The following RASSF8 variants were observed in gnomAD, a reference collection of about 807,000 sequenced individuals.
RASSF8 encodes ras association domain-containing protein 8.
A neutral mutation model predicts 48.5 loss-of-function variants in RASSF8; 22 were observed. The ratio of observed to expected loss-of-function variants is 0.45; its 90% CI spans 0.32 to 0.65. RASSF8 has a LOEUF of 0.65. RASSF8 is among the 30% of genes least tolerant of loss of function. The probability of loss-of-function intolerance (pLI) is 0.03; values close to 1 mark genes in which losing one functional copy is unlikely to be tolerated. For synonymous variants in RASSF8, 127 were observed against 171.5 expected (o/e 0.74, Z 2.03); for missense variants, 418 against 489.2 (o/e 0.85, Z 1.37).
chr12:25,966,894 T>C (rs895583357), intron 1 of RASSF8, among the ~76,000 whole-genome samples: 7 of 152,226 alleles, frequency 4.6e-5, no homozygotes, highest in Non-Finnish European at 1.0e-4. Context: ...TGTTTTCTTC[T>C]AGAAGTTTTA....
intron 2 of RASSF8, among the ~76,000 whole-genome samples, chr12:26,011,061 C>A (rs1942511796): frequency 6.6e-6 from 1 of 152,168 alleles, no homozygotes; most frequent in South Asian, 2.1e-4. Context: ...GATCTAAAAG[C>A]ATTCTCCTGA....
At chr12:25,991,839 G>A (rs191388426) in intron 1 of RASSF8, among the ~76,000 whole-genome samples, 33 of 152,268 alleles carry the variant, frequency 2.2e-4, no homozygotes, top group Middle Eastern at 3.4e-3. Flanking sequence ...GGGCCATTGT[G>A]GAGGCCAGCT....
chr12:26,071,160 TA>T lies in RASSF8; in HGVS notation c.*2344del. On this transcript the variant is annotated 3_prime_UTR_variant, in exon 6 of 6. Transcript: ENST00000689635. ...TATATTACTTCTGGAAGCACATATCTAAGGAATATTTTCTAAGACTCAGAGG... is the reference window on the plus strand; with the variant it reads ...TATATTACTTCTGGAAGCACATATCTAGGAATATTTTCTAAGACTCAGAGG... 1 of 973,780 alleles carries T rather than the reference TA, an allele frequency of 1.0e-6. No individual in the cohort carries two copies. Among genetic ancestry groups the T allele is most frequent in the Non-Finnish European group, 1.2e-6 (1 of 819,300 alleles). 60.3% of individuals were successfully genotyped at this position (973,780 alleles called of 1,614,324 possible).
At chr12:26,073,780 T>C (rs1006357752), downstream of RASSF8, among the ~76,000 whole-genome samples, 73 of 93,868 alleles carry the variant, frequency 7.8e-4, 3 homozygotes, top group African/African-American at 2.2e-3. Flanking sequence ...CACACACATA[T>C]ATATATACAC....
At chr12:26,042,616 T>G (rs1270792678) in intron 2 of RASSF8, among the ~76,000 whole-genome samples, 2 of 152,202 alleles carry the variant, frequency 1.3e-5, no homozygotes, top group African/African-American at 4.8e-5. Context: ...GTGCTGATTT[T>G]TTTTTCATTT....
At chr12:26,057,071 A>G (rs2137252142) in intron 3 of RASSF8, among the ~76,000 whole-genome samples, 1 of 150,254 alleles carries the variant, frequency 6.7e-6, no homozygotes, top group South Asian at 2.1e-4. Context: ...GAGTAGTGCT[A>G]TAAGCTGCAT....
At chr12:25,999,406 A>C (rs1179664815) in intron 2 of RASSF8, among the ~76,000 whole-genome samples, 1 of 152,186 alleles carries the variant, frequency 6.6e-6, no homozygotes, top group Non-Finnish European at 1.5e-5. Flanking sequence ...ATTTGACCTA[A>C]AATTATTAGA....
intron 3 of RASSF8, among the ~76,000 whole-genome samples, chr12:26,056,854 A>G (rs1448198282): frequency 1.3e-5 from 2 of 152,202 alleles, no homozygotes; most frequent in Non-Finnish European, 2.9e-5. Flanking sequence ...ATTTTTTCAT[A>G]TTCTTTCTAT....
At chr12:26,063,532 G>GACT (rs1441674871) in intron 3 of RASSF8, among the ~76,000 whole-genome samples, 1 of 151,982 alleles carries the variant, frequency 6.6e-6, no homozygotes, top group African/African-American at 2.4e-5. Flanking sequence ...AAGTAGCTAG[G>GACT]ACTACGGTGC....
intron 3 of RASSF8, among the ~76,000 whole-genome samples, chr12:26,063,806 G>A (rs1943801402): frequency 6.6e-6 from 1 of 151,596 alleles, no homozygotes; most frequent in Non-Finnish European, 1.5e-5. Flanking sequence ...CTTCTCTTCA[G>A]GCCCCTCTTT....
At chr12:25,985,399 C>T (rs1192440212) in intron 1 of RASSF8, among the ~76,000 whole-genome samples, 1 of 152,144 alleles carries the variant, frequency 6.6e-6, no homozygotes, top group Non-Finnish European at 1.5e-5. Context: ...AGGTAGTATC[C>T]ACCGAAGGGA....
At chr12:26,003,507 A>G (rs1942312164) in intron 2 of RASSF8, among the ~76,000 whole-genome samples, 1 of 152,238 alleles carries the variant, frequency 6.6e-6, no homozygotes, top group Non-Finnish European at 1.5e-5. Flanking sequence ...CCAATAAAAG[A>G]GTTTATCTGC....
At chr12:26,018,065 T>G (rs185433928) in intron 2 of RASSF8, among the ~76,000 whole-genome samples, 4 of 152,364 alleles carry the variant, frequency 2.6e-5, no homozygotes, top group Admixed American at 1.3e-4. Flanking sequence ...ACTGATTTAT[T>G]AACTTTTGTT....
intron 2 of RASSF8, among the ~76,000 whole-genome samples, chr12:25,997,025 C>A (rs1161588013): frequency 6.6e-6 from 1 of 152,090 alleles, no homozygotes; most frequent in African/African-American, 2.4e-5. Flanking sequence ...TACTAAATTA[C>A]ATTTTTTTCC....
intron 5 of RASSF8, 36 bp from the exon 6 acceptor site, chr12:26,068,661 G>C: frequency 6.8e-7 from 1 of 1,465,836 alleles, no homozygotes; most frequent in Non-Finnish European, 9.2e-7. Flanking sequence ...CCAAGTTGAC[G>C]AGCTCATCAG....
At chr12:26,067,800 T>C in intron 5 of RASSF8, 87 bp downstream of exon 5, 1 of 1,530,600 alleles carries the variant, frequency 6.5e-7, no homozygotes, top group Non-Finnish European at 8.9e-7. Context: ...AGTATCACTG[T>C]ATCGCCCAGG....
chr12:26,038,476 T>C (rs74071625), intron 2 of RASSF8, among the ~76,000 whole-genome samples: 207 of 152,296 alleles, frequency 1.4e-3, no homozygotes, highest in African/African-American at 4.8e-3. Flanking sequence ...AAATGTATCT[T>C]CAGCATACAT....
intron 1 of RASSF8, among the ~76,000 whole-genome samples, chr12:25,965,168 C>A (rs546397556): frequency 6.6e-6 from 1 of 152,176 alleles, no homozygotes; most frequent in East Asian, 1.9e-4. Flanking sequence ...GTCTTGATTT[C>A]CTGACCTCGT....
intron 1 of RASSF8, among the ~76,000 whole-genome samples, chr12:25,983,522 C>A (rs142673228): frequency 1.3e-5 from 2 of 152,142 alleles, no homozygotes; most frequent in African/African-American, 4.8e-5. Context: ...TGGCTTTTCT[C>A]ATTTATTCTT....
Sources: gnomAD v4.1 joint callset for allele counts (sites outside exome capture counted in the v4.1 genomes callset) on GRCh38, gnomAD v4.1.1 for gene constraint, MANE v1.5 for transcripts, NCBI Gene and HGNC (gene_info 2026-07-23, HGNC 2026-07-21) for gene names.